SNX31: variants seen among roughly 807,000 people sequenced by gnomAD.
The protein encoded by SNX31 is sorting nexin 31.
In SNX31, 58 loss-of-function variants were observed where a neutral mutation model predicts 65.4. The observed-to-expected ratio is 0.89, with a 90% CI of 0.72 to 1.10. The LOEUF (loss-of-function observed/expected upper bound fraction) is 1.10. SNX31 is among the 50% of genes least tolerant of loss of function. The pLI is 0.00. For missense variants in SNX31, 523 were observed against 529.7 expected, an observed-to-expected ratio of 0.99 and a Z score of 0.12; for synonymous variants, 181 against 190.1, an observed-to-expected ratio of 0.95 and a Z score of 0.39.
Position 100,635,880 on chromosome 8 carries a change from A to C in SNX31, c.256+17T>G, listed in dbSNP as rs1339456079. ...TTGCAATAAATCTGTTTTTTAAAAA[A>C]CCCTGCAAATACATACCATTTTGCA... On this transcript the variant is annotated intron_variant, in intron 3 of 13. Transcript: ENST00000311812. 1 of 1,572,024 alleles carries C rather than the reference A, an allele frequency of 6.4e-7. No homozygotes were observed. Among genetic ancestry groups the C allele is most frequent in the Non-Finnish European group, 8.7e-7 (1 of 1,143,132 alleles).
chr8:100,586,136 G>A (rs560278644), intron 11 of SNX31, among the ~76,000 whole-genome samples: 9 of 152,290 alleles, frequency 5.9e-5, no homozygotes, highest in African/African-American at 2.2e-4. Flanking sequence ...GGCCAGGCTG[G>A]TCTTAAGCTC....
chr8:100,618,200 G>A lies in SNX31; in HGVS notation c.322-470C>T. 7 of 1,432,266 alleles carry A rather than the reference G, an allele frequency of 4.9e-6. No homozygotes were observed. In the South Asian group the frequency reaches 1.1e-4, roughly 22 times the overall value. 88.7% of individuals were successfully genotyped at this position (1,432,266 alleles called of 1,614,324 possible). On this transcript the variant is annotated intron_variant, in intron 4 of 13. Coordinates refer to ENST00000311812, the MANE Select transcript of SNX31 (RefSeq NM_152628.4). ...AGAGATTGGAAGGGTTGTTTTGTGG[G>A]GTATAGTGGAGGCAAGGCAAAGGAG...
intron 11 of SNX31, among the ~76,000 whole-genome samples, chr8:100,586,178 C>A (rs767281274): frequency 9.9e-5 from 15 of 152,184 alleles, no homozygotes; most frequent in Admixed American, 2.0e-4. Context: ...GCTTTGGCCT[C>A]CCAAATTGCT....
chr8:100,649,370 G>C (rs1819871991), intron 1 of SNX31, 22 bp from the exon 2 acceptor site: 1 of 1,613,042 alleles, frequency 6.2e-7, no homozygotes. Context: ...CAGACACCCC[G>C]TCCCTGGTGA....
Position 100,576,985 on chromosome 8 carries a change from A to G in SNX31, c.1227+34T>C, listed in dbSNP as rs750169929. The G allele has an allele frequency of 3.3e-6, 5 of 1,533,146 alleles. No individual in the cohort carries two copies. In the Admixed American group the frequency reaches 7.0e-5, roughly 22 times the overall value. The allele number at this position is 1,533,146 out of a possible 1,614,324, so 95.0% of individuals were successfully genotyped here. A position where few individuals can be genotyped will look rare whatever the true frequency, so the allele number is the denominator to read the frequency against. On this transcript the variant is annotated intron_variant, in intron 13 of 13. Transcript: ENST00000311812. This position sits in a 1 kb window ranked among gnomAD's most constrained non-coding sequence, Gnocchi z 4.8. ...AAAAAAGATCAGATTTATCAAAATT[A>G]TAATGTACCAATTACATAATTTTAC...
chr8:100,640,491 G>T (rs1819091200), intron 2 of SNX31, among the ~76,000 whole-genome samples: 1 of 152,180 alleles, frequency 6.6e-6, no homozygotes, highest in Admixed American at 6.5e-5. Context: ...CTCAGTGTGG[G>T]CTGCATGTAG....
At chr8:100,640,105 A>G (rs1392312067) in intron 2 of SNX31, among the ~76,000 whole-genome samples, 1 of 149,684 alleles carries the variant, frequency 6.7e-6, no homozygotes, top group Non-Finnish European at 1.5e-5. Context: ...TGTGCAGAAG[A>G]ACATCAGATA....
chr8:100,652,976 A>G (rs1820000666), upstream of SNX31, among the ~76,000 whole-genome samples: 1 of 152,224 alleles, frequency 6.6e-6, no homozygotes, highest in African/African-American at 2.4e-5. Context: ...CAAACATGGA[A>G]GAGATTCCTG....
In SNX31 at chr8:100,600,100, C is replaced by A. The variant is rs191786812; in HGVS notation, c.774+249G>T. 4.0e-3 allele frequency among the ~76,000 whole-genome samples: 605 copies of A among 152,168 alleles called. 6 individuals carry two copies. Among genetic ancestry groups the A allele is most frequent in the South Asian group, 0.016 (78 of 4,826 alleles). ...TACTCTGTAGTCACTAAAAATAATG[C>A]GGAGGATCTATATTAATTAACTCAG... is the stretch of plus-strand genomic sequence containing the variant. On this transcript the variant is annotated intron_variant, in intron 9 of 13. Transcript: ENST00000311812.
chr8:100,584,277 TCTGCCCTCCAATAACACA>T, intron 11 of SNX31, 89 bp from the exon 12 acceptor site: 4 of 971,416 alleles, frequency 4.1e-6, no homozygotes, highest in Non-Finnish European at 5.9e-6. Context: ...GGATTTTGAC[TCTGCCCTCCAATAACACA>T]GATTCAAGAA....
At chr8:100,583,972 G>T in intron 12 of SNX31, 139 bp downstream of exon 12, 1 of 630,456 alleles carries the variant, frequency 1.6e-6, no homozygotes, top group Non-Finnish European at 2.7e-6. Flanking sequence ...GGGAAGAGGA[G>T]CTCACTTCTG....
intron 2 of SNX31, among the ~76,000 whole-genome samples, chr8:100,641,281 C>G (rs1213810921): frequency 6.6e-6 from 1 of 151,532 alleles, no homozygotes; most frequent in Non-Finnish European, 1.5e-5. Context: ...TCACGCCTGT[C>G]ATCTCAACAC....
At chr8:100,605,230 C>A (rs959689437) in intron 8 of SNX31, among the ~76,000 whole-genome samples, 1 of 152,102 alleles carries the variant, frequency 6.6e-6, no homozygotes, top group Non-Finnish European at 1.5e-5. Context: ...CCCAGACACC[C>A]AGGACACAGG....
At chr8:100,584,247 C>T (rs1813823281) in intron 11 of SNX31, 59 bp from the exon 12 acceptor site, 1 of 1,399,280 alleles carries the variant, frequency 7.1e-7, no homozygotes, top group African/African-American at 1.5e-5. Context: ...TCTCTTTCTT[C>T]CCTCCTCACA....
Position 100,576,068 on chromosome 8 carries a change from T to C in SNX31, c.1227+951A>G, listed in dbSNP as rs1249377431. Among the ~76,000 whole-genome samples, 4 of 152,336 alleles carry C rather than the reference T, an allele frequency of 2.6e-5. No individual in the cohort carries two copies. Among genetic ancestry groups the C allele is most frequent in the South Asian group, 2.1e-4 (1 of 4,830 alleles). Reference sequence around the variant, plus strand: ...GGTTTTGGATCTGCCTAATGACACATAGCCAGTAAGCAGTGGAGTTCCTAT... The same window carrying C: ...GGTTTTGGATCTGCCTAATGACACACAGCCAGTAAGCAGTGGAGTTCCTAT... On this transcript the variant is annotated intron_variant, in intron 13 of 13. Transcript: ENST00000311812. The surrounding 1 kb of genome is among the most constrained non-coding windows in gnomAD (Gnocchi z 4.8).
intron 2 of SNX31, among the ~76,000 whole-genome samples, chr8:100,639,261 A>G (rs1818988986): frequency 6.6e-6 from 1 of 152,252 alleles, no homozygotes; most frequent in East Asian, 1.9e-4. Context: ...TGGAATGTAG[A>G]ATGTGATAAA....
In SNX31 at chr8:100,617,737, G is replaced by T; in HGVS notation, c.322-7C>A. Reference sequence around the variant, plus strand: ...TGGCGATGTCAAATGTATTCTATAAGCAAAAGAAAAGCAAAATAAATTTCC... The same window carrying T: ...TGGCGATGTCAAATGTATTCTATAATCAAAAGAAAAGCAAAATAAATTTCC... On this transcript the variant is annotated splice_region_variant and splice_polypyrimidine_tract_variant and intron_variant, in intron 4 of 13. Transcript: ENST00000311812. 1.3e-6 allele frequency: 2 copies of T among 1,570,194 alleles called. No individual in the cohort carries two copies. The highest frequency in any genetic ancestry group is 1.7e-6 in the Non-Finnish European group (2 of 1,154,620).
rs76405649 is a variant in SNX31 at position 100,604,930 on chromosome 8, G to A, written c.681+3564C>T. 0.049 allele frequency among the ~76,000 whole-genome samples: 7,388 copies of A among 151,006 alleles called. 586 individuals carry two copies. Among genetic ancestry groups the A allele is most frequent in the African/African-American group, 0.17 (6,882 of 41,072 alleles). ...TTTTCTTTTTTTTTGACAGAGTCTC[G>A]TGCTGTCACCCAAGCAGGAGTACAG... On this transcript the variant is annotated intron_variant, in intron 8 of 13. Transcript: ENST00000311812. The surrounding 1 kb of genome is among the most constrained non-coding windows in gnomAD (Gnocchi z 4.3).
In SNX31 at chr8:100,626,801, G is replaced by A. The variant is rs1197365648; in HGVS notation, c.321+3526C>T. Among the ~76,000 whole-genome samples, 4 of 152,104 alleles carry A rather than the reference G, an allele frequency of 2.6e-5. No homozygotes were observed. Among genetic ancestry groups the A allele is most frequent in the Admixed American group, 6.6e-5 (1 of 15,256 alleles). On this transcript the variant is annotated intron_variant, in intron 4 of 13. Transcript: ENST00000311812. The surrounding 1 kb of genome is among the most constrained non-coding windows in gnomAD (Gnocchi z 4.4). ...ATGAAAATAAAAAGAAGGTGTTTCT[G>A]AATGAAGACCTCAAAGAATAGATAA... is the stretch of plus-strand genomic sequence containing the variant.
Sources: allele counts gnomAD v4.1 joint callset (sites outside exome capture counted in the v4.1 genomes callset), GRCh38; gene constraint gnomAD v4.1.1; non-coding constraint Gnocchi (gnomAD v3.1); transcripts MANE v1.5; gene names NCBI Gene and HGNC (gene_info 2026-07-23, HGNC 2026-07-21).